ZC2HC1B: variants seen among roughly 807,000 people sequenced by gnomAD.
ZC2HC1B encodes zinc finger C2HC domain-containing protein 1B.
Under a neutral mutation model 31.0 loss-of-function variants are expected in ZC2HC1B, and 36 were observed. The ratio of observed to expected loss-of-function variants is 1.16; its 90% confidence interval spans 0.89 to 1.54. The LOEUF (loss-of-function observed/expected upper bound fraction) is 1.54. Ranked by LOEUF, ZC2HC1B falls within the 40% of genes most tolerant of loss-of-function variation. The pLI, the probability that ZC2HC1B is intolerant of heterozygous loss-of-function variation, is 0.00. For synonymous variants in ZC2HC1B, 73 were observed against 88.0 expected, an observed-to-expected ratio of 0.83 and a Z score of 0.95; for missense variants, 260 against 268.6, an observed-to-expected ratio of 0.97 and a Z score of 0.22.
chr6:143,896,870 G>A (rs555577339), intron 4 of ZC2HC1B, among the ~76,000 whole-genome samples: 7 of 151,726 alleles, frequency 4.6e-5, no homozygotes, highest in Non-Finnish European at 8.8e-5. Flanking sequence ...ATTTATCTCC[G>A]TGTGAAATTT....
rs1777526747 is a variant in ZC2HC1B, at chr6:143,885,977, A to G, written c.91-55A>G. On this transcript the variant is annotated intron_variant, in intron 2 of 7. Coordinates refer to ENST00000237275, the MANE Select transcript of ZC2HC1B (RefSeq NM_001013623.3). The surrounding 1 kb of genome is among the most constrained non-coding windows in gnomAD (Gnocchi z 4.2). ...GGGGGCTGTCTAGGTACACCTAGGC[A>G]TTAAAAACTGATTGTGCACTTTAGA... 2 of 1,464,978 alleles carry G rather than the reference A, an allele frequency of 1.4e-6. No homozygotes were observed. Among genetic ancestry groups the G allele is most frequent in the African/African-American group, 2.9e-5 (2 of 69,854 alleles). 90.7% of individuals were successfully genotyped at this position (1,464,978 alleles called of 1,614,324 possible). A position where few individuals can be genotyped will look rare whatever the true frequency, so the allele number is the denominator to read the frequency against.
chr6:143,926,828 CTTTTTTTTTTTTT>C (rs774028763), intron 6 of ZC2HC1B, among the ~76,000 whole-genome samples: 6 of 78,824 alleles, frequency 7.6e-5, no homozygotes, highest in African/African-American at 1.6e-4. Flanking sequence ...ATTGTATCTT[CTTTTTTTTTTTTT>C]TTTTTTTTTT....
rs115177346 is a variant in ZC2HC1B at position 143,871,773 on chromosome 6, C to T, written c.28+7206C>T. Among the ~76,000 whole-genome samples the T allele has an allele frequency of 0.014, 2,172 of 152,276 alleles. 47 individuals are homozygous for T. The highest frequency in any genetic ancestry group is 0.05 in the African/African-American group (2,088 of 41,544). ...TGCTTATGGCTTCCATTTGGCCTTTCTCACCATAATAATCCTCACCCGACC... is the reference window on the plus strand; with the variant it reads ...TGCTTATGGCTTCCATTTGGCCTTTTTCACCATAATAATCCTCACCCGACC... On this transcript the variant is annotated intron_variant, in intron 1 of 7. Transcript: ENST00000237275. The surrounding 1 kb of genome is among the most constrained non-coding windows in gnomAD (Gnocchi z 4.1).
rs1424298227 is a variant in ZC2HC1B, at chr6:143,908,173, C to T, written c.598+5021C>T. 6.6e-6 allele frequency among the ~76,000 whole-genome samples: 1 copy of T among 152,166 alleles called. No homozygotes were observed. Among genetic ancestry groups the T allele is most frequent in the East Asian group, 1.9e-4 (1 of 5,204 alleles). Reference sequence around the variant, plus strand: ...TACTAGTGTAATGCTGTTTTGGTTACTGTAGCCTTGTAGTGTAGTTTGAAG... The same window carrying T: ...TACTAGTGTAATGCTGTTTTGGTTATTGTAGCCTTGTAGTGTAGTTTGAAG... On this transcript the variant is annotated intron_variant, in intron 6 of 7. Transcript: ENST00000237275. This position sits in a 1 kb window ranked among gnomAD's most constrained non-coding sequence, Gnocchi z 4.4.
rs1484765883 is a variant in ZC2HC1B at position 143,921,802 on chromosome 6, C to T, written c.599-15847C>T. ...TAAAAATTTGCTACATGTGGTGGCA[C>T]CCACTTGTAGCTCTTGCTACCCAGG... On this transcript the variant is annotated intron_variant, in intron 6 of 7. Coordinates refer to ENST00000237275, the MANE Select transcript of ZC2HC1B (RefSeq NM_001013623.3). This position sits in a 1 kb window ranked among gnomAD's most constrained non-coding sequence, Gnocchi z 6.1. Among the ~76,000 whole-genome samples, 2 of 152,084 alleles carry T rather than the reference C, an allele frequency of 1.3e-5. No individual in the cohort carries two copies. The highest frequency in any genetic ancestry group is 2.9e-5 in the Non-Finnish European group (2 of 67,996).
Position 143,905,066 on chromosome 6 carries a change from T to C in ZC2HC1B, c.598+1914T>C, listed in dbSNP as rs1562343701. Among the ~76,000 whole-genome samples the C allele has an allele frequency of 6.6e-6, 1 of 152,232 alleles. No homozygotes were observed. The highest frequency in any genetic ancestry group is 6.5e-5 in the Admixed American group (1 of 15,288). The stretch of plus-strand genomic sequence containing the variant: ...CTATTTGGGATCCCTTGAGATTCCA[T>C]GTGAATTTTAGGTTGGGCTTTTTTA... On this transcript the variant is annotated intron_variant, in intron 6 of 7. Coordinates refer to ENST00000237275, the MANE Select transcript of ZC2HC1B (RefSeq NM_001013623.3). The surrounding 1 kb of genome is among the most constrained non-coding windows in gnomAD (Gnocchi z 4.2).
Position 143,898,552 on chromosome 6 carries a change from A to G in ZC2HC1B, c.350A>G (p.Asp117Gly). ...PPPPPPSLNPDYIQRPYCMRR... is the reference protein window; with the variant it reads ...PPPPPPSLNPGYIQRPYCMRR... ...CATTTGTTGTTATCTTTACATTCAG[A>G]TTATATTCAACGTCCATATTGTATG... The change falls in exon 5 of 8, where the codon GAT (aspartate) becomes GGT (glycine). Residue 117 changes from aspartate to glycine, a missense_variant and splice_region_variant. Asp to Gly is a moderately conservative substitution (Grantham distance 94). Coordinates refer to ENST00000237275, the MANE Select transcript of ZC2HC1B (RefSeq NM_001013623.3). 6.4e-7 allele frequency: 1 copy of G among 1,551,586 alleles called. No individual in the cohort carries two copies. Among genetic ancestry groups the G allele is most frequent in the Non-Finnish European group, 8.7e-7 (1 of 1,146,888 alleles).
At position 143,917,274 on chromosome 6, in the gene ZC2HC1B, TC is replaced by T. The variant is rs1777930881; in HGVS notation, c.598+14124del. On this transcript the variant is annotated intron_variant, in intron 6 of 7. Coordinates refer to ENST00000237275, the MANE Select transcript of ZC2HC1B (RefSeq NM_001013623.3). This position sits in a 1 kb window ranked among gnomAD's most constrained non-coding sequence, Gnocchi z 4.1. ...CTTCCCAGCCACATGGAACTGTAAG[TC>T]CAATAAACCTCTTTCTTTTGTAAAT... Among the ~76,000 whole-genome samples the T allele has an allele frequency of 6.6e-6, 1 of 152,180 alleles. No individual in the cohort carries two copies. Among genetic ancestry groups the T allele is most frequent in the Non-Finnish European group, 1.5e-5 (1 of 68,018 alleles).
chr6:143,898,654 C>T lies in ZC2HC1B; in HGVS notation c.452C>T (p.Pro151Leu), dbSNP rs1242097189. 5.2e-6 allele frequency: 8 copies of T among 1,551,908 alleles called. No homozygotes were observed. The East Asian group carries it at 7.3e-5, about 14-fold the overall frequency. ...CAGTCTTCTCGCCGAGTCTTTAATC[C>T]AGCTCAGACAGCAGCCAAATTGGCA... Reference protein sequence around the residue: ...KDQSSRRVFNPAQTAAKLASR... With the variant: ...KDQSSRRVFNLAQTAAKLASR... Residue 151 changes from proline (P) to leucine (L), a missense_variant, in exon 5 of 8, where the codon CCA becomes CTA. Pro to Leu is a moderately conservative substitution (Grantham distance 98). Transcript: ENST00000237275.
intron 4 of ZC2HC1B, among the ~76,000 whole-genome samples, chr6:143,889,657 A>G (rs1049475219): frequency 6.6e-6 from 1 of 152,146 alleles, no homozygotes; most frequent in Non-Finnish European, 1.5e-5. Flanking sequence ...AGCTTCTAAG[A>G]ATGTGAAACA....
intron 6 of ZC2HC1B, among the ~76,000 whole-genome samples, chr6:143,927,804 A>C (rs1778070358): frequency 6.6e-6 from 1 of 152,122 alleles, no homozygotes; most frequent in Non-Finnish European, 1.5e-5. Flanking sequence ...AACATCTGTT[A>C]TTTTTTGACT....
chr6:143,867,604 G>A (rs926615817), intron 1 of ZC2HC1B, among the ~76,000 whole-genome samples: 3 of 152,200 alleles, frequency 2.0e-5, no homozygotes, highest in African/African-American at 7.2e-5. Flanking sequence ...GGGGTGAAAT[G>A]AGTGTCTCCA....
At chr6:143,898,787 G>A (rs1413864725) in intron 5 of ZC2HC1B, 96 bp downstream of exon 5, 1 of 1,448,190 alleles carries the variant, frequency 6.9e-7, no homozygotes, top group Non-Finnish European at 9.3e-7. Context: ...CCCATCCTAA[G>A]AAGTGTAAGC....
rs1482825309 is a variant in ZC2HC1B, at chr6:143,895,468, TA to T, written c.350-3081del. 6.6e-6 allele frequency among the ~76,000 whole-genome samples: 1 copy of T among 152,214 alleles called. No individual in the cohort carries two copies. The highest frequency in any genetic ancestry group is 1.5e-5 in the Non-Finnish European group (1 of 68,038). ...ATGAGCCACTGCACCCGGCCAGTAC[TA>T]AAGAATTTATATACATATAACTAGA... On this transcript the variant is annotated intron_variant, in intron 4 of 7. Transcript: ENST00000237275. This position sits in a 1 kb window ranked among gnomAD's most constrained non-coding sequence, Gnocchi z 4.8.
chr6:143,891,518 C>T (rs913703517), intron 4 of ZC2HC1B, among the ~76,000 whole-genome samples: 3 of 151,708 alleles, frequency 2.0e-5, no homozygotes, highest in Non-Finnish European at 4.4e-5. Flanking sequence ...TTGGTCAACA[C>T]AGTGAAACCC....
chr6:143,903,629 CTAACA>C lies in ZC2HC1B; in HGVS notation c.598+481_598+485del, dbSNP rs1554238978. On this transcript the variant is annotated intron_variant, in intron 6 of 7. Transcript: ENST00000237275. This position sits in a 1 kb window ranked among gnomAD's most constrained non-coding sequence, Gnocchi z 4.3. ...TAAAGTTGAAAAATCTTATGTCAAACTAACATAAGTCAAGAATTTCTGTACAGTCA... is the reference window on the plus strand; with the variant it reads ...TAAAGTTGAAAAATCTTATGTCAAACTAAGTCAAGAATTTCTGTACAGTCA... 6.6e-6 allele frequency among the ~76,000 whole-genome samples: 1 copy of C among 152,162 alleles called. No individual in the cohort carries two copies. Among genetic ancestry groups the C allele is most frequent in the Non-Finnish European group, 1.5e-5 (1 of 68,030 alleles).
rs934706829 is a variant in ZC2HC1B at position 143,908,887 on chromosome 6, G to A, written c.598+5735G>A. Among the ~76,000 whole-genome samples the A allele has an allele frequency of 9.2e-5, 14 of 152,052 alleles. No individual in the cohort carries two copies. The highest frequency in any genetic ancestry group is 2.1e-4 in the South Asian group (1 of 4,824). ...AAGGGGAAATCTTCCAGCTTTTGCC[G>A]AATCAGTATGATATTGGCTGTGGGT... On this transcript the variant is annotated intron_variant, in intron 6 of 7. Coordinates refer to ENST00000237275, the MANE Select transcript of ZC2HC1B (RefSeq NM_001013623.3). This position sits in a 1 kb window ranked among gnomAD's most constrained non-coding sequence, Gnocchi z 4.4.
At chr6:143,894,841 G>A (rs1178919421) in intron 4 of ZC2HC1B, among the ~76,000 whole-genome samples, 1 of 152,160 alleles carries the variant, frequency 6.6e-6, no homozygotes, top group Non-Finnish European at 1.5e-5. Flanking sequence ...CCTGCTGTGT[G>A]AATTTCTCTC....
At chr6:143,898,323 C>T (rs1417343829) in intron 4 of ZC2HC1B, among the ~76,000 whole-genome samples, 1 of 152,094 alleles carries the variant, frequency 6.6e-6, no homozygotes, top group Non-Finnish European at 1.5e-5. Context: ...CACACACCAC[C>T]ACACCTGGCT....
Sources: allele counts gnomAD v4.1 joint callset (sites outside exome capture counted in the v4.1 genomes callset), GRCh38; gene constraint gnomAD v4.1.1; non-coding constraint Gnocchi (gnomAD v3.1); transcripts MANE v1.5; gene names NCBI Gene and HGNC (gene_info 2026-07-23, HGNC 2026-07-21).